The following CNTNAP2 variants were observed in gnomAD, a reference collection of about 807,000 sequenced individuals.
CNTNAP2 encodes contactin associated protein 2.
Under a neutral mutation model 155.2 loss-of-function variants are expected in CNTNAP2, and 98 were observed. The observed-to-expected ratio is 0.63, with a 90% CI of 0.54 to 0.75. The LOEUF is 0.75. Ranked by LOEUF, CNTNAP2 falls within the 30% of genes least tolerant of loss-of-function variation. The pLI is 0.00. For synonymous variants in CNTNAP2, 651 were observed against 631.2 expected, an observed-to-expected ratio of 1.03 and a Z score of -0.47; for missense variants, 1,727 against 1,688.1, an observed-to-expected ratio of 1.02 and a Z score of -0.40.
intron 3 of CNTNAP2, among the ~76,000 whole-genome samples, chr7:146,952,257 T>C (rs577850302): frequency 1.3e-5 from 2 of 152,198 alleles, no homozygotes; most frequent in African/African-American, 4.8e-5. Context: ...CTCAATAAAC[T>C]AGGTATTGTT....
intron 21 of CNTNAP2, among the ~76,000 whole-genome samples, chr7:148,288,961 AAAAAAAAAG>A (rs1360849495): frequency 6.6e-6 from 1 of 150,794 alleles, no homozygotes; most frequent in African/African-American, 2.4e-5. Flanking sequence ...AAAAAAAAAA[AAAAAAAAAG>A]AGAGAAAAAC....
chr7:147,249,625 A>AAAAAAAAAAAAAAAAAAAAAAAAAAATT, intron 8 of CNTNAP2, among the ~76,000 whole-genome samples: 1 of 148,932 alleles, frequency 6.7e-6, no homozygotes, highest in East Asian at 2.0e-4. Flanking sequence ...AAAAAAAAAA[A>AAAAAAAAAAAAAAAAAAAAAAAAAAATT]GGTTTCAGCA....
chr7:147,029,549 G>GTTTT, intron 3 of CNTNAP2, among the ~76,000 whole-genome samples: 1 of 147,598 alleles, frequency 6.8e-6, no homozygotes. Flanking sequence ...TGTAAAAAGG[G>GTTTT]TTTTTTTTTT....
chr7:147,244,192 C>CA lies in CNTNAP2; in HGVS notation c.1349-55946dup, dbSNP rs543665305. On this transcript the variant is annotated intron_variant, in intron 8 of 23. Transcript: ENST00000361727. Reference sequence around the variant, plus strand: ...TCTGGCAAGACCTATTTCAAATATACAAAGTTATCTGATACACACAGGAAC... The same window carrying CA: ...TCTGGCAAGACCTATTTCAAATATACAAAAGTTATCTGATACACACAGGAAC... Among the ~76,000 whole-genome samples, 407 of 152,216 alleles carry CA rather than the reference C, an allele frequency of 2.7e-3. 1 individual carries two copies. The highest frequency in any genetic ancestry group is 9.2e-3 in the African/African-American group (381 of 41,534).
chr7:146,279,920 CTAA>C (rs1397934608), intron 1 of CNTNAP2, among the ~76,000 whole-genome samples: 3 of 151,484 alleles, frequency 2.0e-5, no homozygotes, highest in Non-Finnish European at 2.9e-5. Flanking sequence ...GTACTATATA[CTAA>C]TAAGTGAAAG....
intron 13 of CNTNAP2, among the ~76,000 whole-genome samples, chr7:147,658,256 C>CA (rs11358943): frequency 1.5e-4 from 14 of 95,368 alleles, no homozygotes; most frequent in Non-Finnish European, 2.5e-4. Context: ...GACTCCGTCC[C>CA]AAAAAAAAAA....
At chr7:147,254,371 G>A (rs1408465532) in intron 8 of CNTNAP2, among the ~76,000 whole-genome samples, 1 of 152,226 alleles carries the variant, frequency 6.6e-6, no homozygotes, top group Admixed American at 6.5e-5. Flanking sequence ...TCCAAAGCAT[G>A]ACAATAATAG....
intron 10 of CNTNAP2, among the ~76,000 whole-genome samples, chr7:147,473,117 C>A (rs974358816): frequency 2.0e-5 from 3 of 152,156 alleles, no homozygotes; most frequent in Non-Finnish European, 4.4e-5. Flanking sequence ...TTGTGAATGC[C>A]TGTGAGAAAA....
chr7:146,932,670 T>C (rs1460426341), intron 3 of CNTNAP2, among the ~76,000 whole-genome samples: 2 of 152,190 alleles, frequency 1.3e-5, no homozygotes, highest in African/African-American at 4.8e-5. Context: ...GATGACATGA[T>C]AGTATATCTG....
chr7:147,052,980 T>C (rs1482310482), intron 4 of CNTNAP2, among the ~76,000 whole-genome samples: 1 of 152,124 alleles, frequency 6.6e-6, no homozygotes, highest in Non-Finnish European at 1.5e-5. Flanking sequence ...TGTAGTATTC[T>C]TTAGTGCTTT....
chr7:146,253,790 C>A (rs142123262), intron 1 of CNTNAP2, among the ~76,000 whole-genome samples: 1 of 152,190 alleles, frequency 6.6e-6, no homozygotes, highest in Admixed American at 6.5e-5. Flanking sequence ...AGCATGGTGA[C>A]TCATGCCTTT....
chr7:147,667,514 A>G (rs766544705), intron 13 of CNTNAP2, among the ~76,000 whole-genome samples: 20 of 152,188 alleles, frequency 1.3e-4, no homozygotes, highest in Non-Finnish European at 2.9e-5. Flanking sequence ...TAGAGGAGCC[A>G]TAAGAAGTCA....
intron 2 of CNTNAP2, among the ~76,000 whole-genome samples, chr7:146,801,518 T>A (rs1327270209): frequency 6.6e-6 from 1 of 152,214 alleles, no homozygotes; most frequent in East Asian, 1.9e-4. Context: ...GCATAAAAAG[T>A]TTCTATTTCC....
intron 11 of CNTNAP2, among the ~76,000 whole-genome samples, chr7:147,542,586 G>A (rs1473001644): frequency 6.6e-6 from 1 of 152,178 alleles, no homozygotes; most frequent in Non-Finnish European, 1.5e-5. Flanking sequence ...ATATGCTTAT[G>A]TTAAGTTTAC....
At chr7:146,230,328 C>T (rs1383084881) in intron 1 of CNTNAP2, among the ~76,000 whole-genome samples, 5 of 152,072 alleles carry the variant, frequency 3.3e-5, no homozygotes, top group Non-Finnish European at 5.9e-5. Flanking sequence ...GCATAAATGT[C>T]ACTGAACAAA....
chr7:146,277,656 C>T (rs1563018679), intron 1 of CNTNAP2, among the ~76,000 whole-genome samples: 1 of 152,126 alleles, frequency 6.6e-6, no homozygotes. Context: ...TTTGTTTAAT[C>T]TTACAGGAAA....
At chr7:146,475,804 A>C (rs111356998) in intron 1 of CNTNAP2, among the ~76,000 whole-genome samples, 1 of 152,212 alleles carries the variant, frequency 6.6e-6, no homozygotes, top group Admixed American at 6.5e-5. Context: ...CCAATACCCC[A>C]AAATATCACA....
chr7:146,963,137 A>C (rs1360913426), intron 3 of CNTNAP2: 1 of 152,242 alleles, frequency 6.6e-6, no homozygotes, highest in Non-Finnish European at 1.5e-5. Context: ...CATTATAAAG[A>C]GTTTGGCTAC....
intron 1 of CNTNAP2, among the ~76,000 whole-genome samples, chr7:146,628,100 T>A (rs1299098582): frequency 2.6e-5 from 4 of 152,176 alleles, no homozygotes; most frequent in Non-Finnish European, 4.4e-5. Context: ...CTTGTTCATA[T>A]GGGATATCTT....
Sources: allele counts gnomAD v4.1 joint callset (sites outside exome capture counted in the v4.1 genomes callset), GRCh38; gene constraint gnomAD v4.1.1; transcripts MANE v1.5; gene names NCBI Gene and HGNC (gene_info 2026-07-23, HGNC 2026-07-21).